TSPAN9: variants seen among roughly 807,000 people sequenced by gnomAD.
The protein encoded by TSPAN9 is tetraspanin-9.
In TSPAN9, 16 loss-of-function variants were observed where a neutral mutation model predicts 31.0. That is an observed-to-expected ratio of 0.52 (90% confidence interval 0.35 to 0.78). TSPAN9 has a LOEUF of 0.78. Among genes scored for constraint, TSPAN9 ranks in the 30% least tolerant of loss-of-function variants. TSPAN9 has a pLI of 0.01. For missense variants in TSPAN9, 272 were observed against 312.5 expected, an observed-to-expected ratio of 0.87 and a Z score of 0.98; for synonymous variants, 145 against 121.6, an observed-to-expected ratio of 1.19 and a Z score of -1.27.
chr12:3,235,356 C>T (rs1591696037), intron 3 of TSPAN9, among the ~76,000 whole-genome samples: 1 of 146,292 alleles, frequency 6.8e-6, no homozygotes, highest in African/African-American at 2.5e-5. Context: ...TGGCAAGAAG[C>T]CTGGCCGGAA....
At chr12:3,210,456 C>A (rs2098378044) in intron 3 of TSPAN9, among the ~76,000 whole-genome samples, 1 of 152,190 alleles carries the variant, frequency 6.6e-6, no homozygotes, top group Non-Finnish European at 1.5e-5. Context: ...GCCATTCTTT[C>A]ATCTTCTGTG....
At chr12:3,098,820 G>A (rs1021380783) in intron 2 of TSPAN9, among the ~76,000 whole-genome samples, 2 of 148,360 alleles carry the variant, frequency 1.3e-5, no homozygotes, top group Non-Finnish European at 3.0e-5. Flanking sequence ...GAGTGATCCC[G>A]CCTCTCTGCA....
At chr12:3,254,064 C>T (rs554648052) in intron 3 of TSPAN9, among the ~76,000 whole-genome samples, 13 of 152,318 alleles carry the variant, frequency 8.5e-5, no homozygotes, top group African/African-American at 3.1e-4. Context: ...TGGTTATCAA[C>T]ACCACCTCCT....
Position 3,168,925 on chromosome 12 carries a change from G to T in TSPAN9, c.-17-32252G>T, listed in dbSNP as rs889236612. On this transcript the variant is annotated intron_variant, in intron 2 of 8. Coordinates refer to ENST00000011898, the MANE Select transcript of TSPAN9 (RefSeq NM_006675.5). The surrounding 1 kb of genome is among the most constrained non-coding windows in gnomAD (Gnocchi z 4.0). ...CGTGACTCAGAAGGAAGGTAGTGGG[G>T]AAATACAAGGTGGTGATCTCATGTG... 2.3e-4 allele frequency among the ~76,000 whole-genome samples: 35 copies of T among 152,236 alleles called. No individual in the cohort carries two copies. The highest frequency in any genetic ancestry group is 4.7e-4 in the Non-Finnish European group (32 of 68,048).
chr12:3,203,310 A>G (rs1179023532), intron 3 of TSPAN9, among the ~76,000 whole-genome samples: 3 of 152,228 alleles, frequency 2.0e-5, no homozygotes, highest in East Asian at 1.9e-4. Context: ...GAATGAATGC[A>G]TGGAGGGCCA....
intron 1 of TSPAN9, among the ~76,000 whole-genome samples, chr12:3,080,069 G>T (rs188595632): frequency 1.3e-5 from 2 of 151,718 alleles, no homozygotes; most frequent in African/African-American, 4.8e-5. Flanking sequence ...GATTACAGGC[G>T]TGAGCCACCA....
intron 2 of TSPAN9, among the ~76,000 whole-genome samples, chr12:3,198,195 C>T (rs1384871663): frequency 2.3e-5 from 2 of 88,664 alleles, no homozygotes; most frequent in East Asian, 3.4e-4. Flanking sequence ...GCACAGGCCA[C>T]CACCAGCACA....
intron 2 of TSPAN9, among the ~76,000 whole-genome samples, chr12:3,089,248 A>G (rs1296856777): frequency 6.6e-6 from 1 of 150,528 alleles, no homozygotes; most frequent in African/African-American, 2.4e-5. Context: ...GAAAAAAAAA[A>G]AGAAAAGGGA....
intron 2 of TSPAN9, among the ~76,000 whole-genome samples, chr12:3,154,135 T>A (rs543793751): frequency 4.6e-5 from 7 of 152,150 alleles, no homozygotes; most frequent in Non-Finnish European, 1.0e-4. Flanking sequence ...AAGCATTCTT[T>A]CCTAGAGCAA....
At chr12:3,095,704 C>T (rs1265395632) in intron 2 of TSPAN9, among the ~76,000 whole-genome samples, 6 of 151,110 alleles carry the variant, frequency 4.0e-5, no homozygotes, top group East Asian at 3.9e-4. Context: ...GATGGGGCGG[C>T]GGGGCAGAGG....
chr12:3,205,122 G>C lies in TSPAN9; in HGVS notation c.63+3866G>C, dbSNP rs144315445. Among the ~76,000 whole-genome samples, 297 of 152,266 alleles carry C rather than the reference G, an allele frequency of 2.0e-3. 1 individual carries two copies. The highest frequency in any genetic ancestry group is 7.0e-3 in the African/African-American group (292 of 41,562). ...AAGTTCCTGTCTGATGTGGAGGGGT[G>C]GGGGCGGGGCTGGGGCTGCTGGCGT... is the stretch of plus-strand genomic sequence containing the variant. On this transcript the variant is annotated intron_variant, in intron 3 of 8. Transcript: ENST00000011898.
chr12:3,096,025 CCTCCAGCCGCTG>C (rs148543915), intron 2 of TSPAN9, among the ~76,000 whole-genome samples: 60,564 of 146,938 alleles, frequency 0.41, 12,852 homozygotes, highest in South Asian at 0.51. Flanking sequence ...CCTGTCCGCT[CCTCCAGCCGCTG>C]CCTCCCGGGC....
intron 2 of TSPAN9, among the ~76,000 whole-genome samples, chr12:3,092,874 A>G (rs570173640): frequency 1.3e-5 from 2 of 152,302 alleles, no homozygotes; most frequent in South Asian, 2.1e-4. Flanking sequence ...GCCGCAGTCA[A>G]CTGGCTGAGA....
intron 3 of TSPAN9, among the ~76,000 whole-genome samples, chr12:3,251,335 C>G (rs1862240678): frequency 6.6e-6 from 1 of 151,108 alleles, no homozygotes; most frequent in African/African-American, 2.5e-5. Flanking sequence ...TGGTGGCATC[C>G]TCCCTGGTGG....
intron 2 of TSPAN9, among the ~76,000 whole-genome samples, chr12:3,122,153 G>A (rs1186857892): frequency 6.6e-6 from 1 of 152,044 alleles, no homozygotes; most frequent in Non-Finnish European, 1.5e-5. Flanking sequence ...AGCTAACACA[G>A]TGAAACCCCA....
rs117804153 is a variant in TSPAN9, at chr12:3,156,005, G to A, written c.-17-45172G>A. 2.8e-4 allele frequency among the ~76,000 whole-genome samples: 42 copies of A among 152,320 alleles called. No homozygotes were observed. The East Asian group carries it at 6.9e-3, about 25-fold the overall frequency. On this transcript the variant is annotated intron_variant, in intron 2 of 8. Transcript: ENST00000011898. Reference sequence around the variant, plus strand: ...GAGCCTAGTGATACTTAAGAGATACGACTTGCTAGGGAAGTAAACACCCAG... The same window carrying A: ...GAGCCTAGTGATACTTAAGAGATACAACTTGCTAGGGAAGTAAACACCCAG...
intron 3 of TSPAN9, among the ~76,000 whole-genome samples, chr12:3,229,093 A>C (rs972087684): frequency 6.6e-6 from 1 of 152,198 alleles, no homozygotes; most frequent in African/African-American, 2.4e-5. Flanking sequence ...CCCTCTTCCA[A>C]ATAAGGTCAC....
chr12:3,258,004 A>G (rs1862381396), intron 3 of TSPAN9, among the ~76,000 whole-genome samples: 2 of 152,102 alleles, frequency 1.3e-5, no homozygotes, highest in South Asian at 2.1e-4. Flanking sequence ...GTGGAGTAAG[A>G]TGTTCACAAT....
chr12:3,085,425 CTG>C (rs1250278765), intron 2 of TSPAN9, among the ~76,000 whole-genome samples: 2 of 151,688 alleles, frequency 1.3e-5, no homozygotes, highest in African/African-American at 2.4e-5. Flanking sequence ...CGTCTTTCCT[CTG>C]TGCATCTGCG....
Sources: allele counts gnomAD v4.1 joint callset (sites outside exome capture counted in the v4.1 genomes callset), GRCh38; gene constraint gnomAD v4.1.1; non-coding constraint Gnocchi (gnomAD v3.1); transcripts MANE v1.5; gene names NCBI Gene and HGNC (gene_info 2026-07-23, HGNC 2026-07-21).